Variants in STEAP4 observed in about 807,000 individuals in gnomAD.
STEAP4 encodes the protein metalloreductase STEAP4.
STEAP4 carries 36 observed loss-of-function variants against 43.6 expected under a neutral mutation model. That is an observed-to-expected ratio of 0.83 (90% CI 0.63 to 1.09). STEAP4 has a LOEUF of 1.09. Among genes scored for constraint, STEAP4 ranks in the 50% least tolerant of loss-of-function variants. The pLI is 0.00. For missense variants in STEAP4, 495 were observed against 546.5 expected (o/e 0.91, Z 0.94); for synonymous variants, 191 against 196.7 (o/e 0.97, Z 0.24).
chr7:88,303,473 G>T (rs1437697011), intron 1 of STEAP4, among the ~76,000 whole-genome samples: 1 of 148,500 alleles, frequency 6.7e-6, no homozygotes, highest in South Asian at 2.2e-4. Flanking sequence ...TCCAGCCTGG[G>T]TGACAGAGCG....
Position 88,289,061 on chromosome 7 carries a change from C to CGCGT in STEAP4, c.-2-4791_-2-4790insACGC, listed in dbSNP as rs1554542586. On this transcript the variant is annotated intron_variant, in intron 1 of 4. Transcript: ENST00000380079. Reference sequence around the variant, plus strand: ...TTATTTTTTTTGGTGCATGCATGCGCGTGTGTGTGTGTGTGTGTGTATGTG... The same window carrying CGCGT: ...TTATTTTTTTTGGTGCATGCATGCGCGCGTGTGTGTGTGTGTGTGTGTGTATGTG... 7.5e-4 allele frequency among the ~76,000 whole-genome samples: 111 copies of CGCGT among 148,410 alleles called. 1 individual carries two copies. The highest frequency in any genetic ancestry group is 3.5e-3 in the Middle Eastern group (1 of 282).
At chr7:88,304,796 T>C (rs1275583681) in intron 1 of STEAP4, among the ~76,000 whole-genome samples, 1 of 152,160 alleles carries the variant, frequency 6.6e-6, no homozygotes, top group African/African-American at 2.4e-5. Context: ...CAGTGGAATG[T>C]GTTCCTGAGA....
rs1166718107 is a variant in STEAP4, at chr7:88,278,476, T to C, written c.*922A>G. ...AATTAATTTAATAGATGAAAAATAT[T>C]GAGCAATATTTGGAATATAAAATTT... On this transcript the variant is annotated 3_prime_UTR_variant, in exon 5 of 5. Transcript: ENST00000380079. 1.3e-5 allele frequency: 2 copies of C among 152,242 alleles called. No homozygotes were observed. Among genetic ancestry groups the C allele is most frequent in the Non-Finnish European group, 2.9e-5 (2 of 68,032 alleles). The allele number at this position is 152,242 out of a possible 1,614,324, so 9.4% of individuals were successfully genotyped here.
At position 88,283,936 on chromosome 7, in the gene STEAP4, G is replaced by T. The variant is rs1208326307; in HGVS notation, c.334C>A (p.Gln112Lys). 6.2e-7 allele frequency: 1 copy of T among 1,614,114 alleles called. No homozygotes were observed. The highest frequency in any genetic ancestry group is 1.1e-5 in the South Asian group (1 of 91,066). The change falls in exon 2 of 5, where the codon CAA becomes AAA. Residue 112 changes from glutamine (Q) to lysine (K), a missense_variant. Gln to Lys is a moderately conservative substitution (Grantham distance 53). Transcript: ENST00000380079. ...TACTCTGCATTAGATTCTGGATATT[G>T]ATTGATTTTGAGGTTGTTGCTGATG... ...VDISNNLKINQYPESNAEYLA... is the reference protein window; with the variant it reads ...VDISNNLKINKYPESNAEYLA...
In STEAP4 at chr7:88,278,808, T is replaced by C. The variant is rs1041202575; in HGVS notation, c.*590A>G. The C allele has an allele frequency of 4.6e-5, 7 of 153,636 alleles. No individual in the cohort carries two copies. The highest frequency in any genetic ancestry group is 1.7e-4 in the African/African-American group (7 of 41,476). 9.5% of individuals were successfully genotyped at this position (153,636 alleles called of 1,614,324 possible). A position where few individuals can be genotyped will look rare whatever the true frequency, so the allele number is the denominator to read the frequency against. On this transcript the variant is annotated 3_prime_UTR_variant, in exon 5 of 5. Coordinates refer to ENST00000380079, the MANE Select transcript of STEAP4 (RefSeq NM_024636.4). Reference sequence around the variant, plus strand: ...AATTTTTCTTGTGTTATAAAAATAGTTCCTCTCAGTAAATATCTGTATTAA... The same window carrying C: ...AATTTTTCTTGTGTTATAAAAATAGCTCCTCTCAGTAAATATCTGTATTAA...
chr7:88,306,613 G>A (rs1224382998), intron 1 of STEAP4, among the ~76,000 whole-genome samples, 179 bp downstream of exon 1: 1 of 152,260 alleles, frequency 6.6e-6, no homozygotes, highest in African/African-American at 2.4e-5. Flanking sequence ...TTAGAAGCTT[G>A]CTGAATCGCG....
At chr7:88,282,136 T>A (rs1362435039) in intron 3 of STEAP4, 2 of 153,312 alleles carry the variant, frequency 1.3e-5, no homozygotes, top group Non-Finnish European at 2.9e-5. Flanking sequence ...AAAGTATCAT[T>A]TTTTTTCTTT....
At chr7:88,304,251 G>A (rs1853090573) in intron 1 of STEAP4, 1 of 151,964 alleles carries the variant, frequency 6.6e-6, no homozygotes, top group Non-Finnish European at 1.5e-5. Context: ...CGAGTTAGTG[G>A]GTGCAGCGCA....
intron 1 of STEAP4, among the ~76,000 whole-genome samples, chr7:88,302,951 C>CAAAAAAAAAA (rs35493493): frequency 3.9e-5 from 2 of 51,458 alleles, no homozygotes; most frequent in African/African-American, 1.6e-4. Context: ...GAGACTGTCT[C>CAAAAAAAAAA]AAAAAAAAAA....
rs750639809 is a variant in STEAP4, at chr7:88,284,018, C to G, written c.252G>C (p.Glu84Asp). 3.7e-6 allele frequency: 6 copies of G among 1,613,996 alleles called. No homozygotes were observed. Among genetic ancestry groups the G allele is most frequent in the Non-Finnish European group, 4.2e-6 (5 of 1,180,034 alleles). The change falls in exon 2 of 5, where the codon GAG becomes GAC. Residue 84 changes from glutamate to aspartate, a missense_variant. Physicochemically the swap from Glu to Asp is conservative, Grantham distance 45. Coordinates refer to ENST00000380079, the MANE Select transcript of STEAP4 (RefSeq NM_024636.4). ...SGIIIIAIHR[E>D]HYDFLTELTE... ...TTAATTCTGTGAGAAAATCATAATGCTCTCTGTGGATTGCTATGATTATGA... is the reference window on the plus strand; with the variant it reads ...TTAATTCTGTGAGAAAATCATAATGGTCTCTGTGGATTGCTATGATTATGA...
In STEAP4 at chr7:88,272,434, G is replaced by A. The variant is rs1314599330; in HGVS notation, c.*6964C>T. The A allele has an allele frequency of 2.0e-5, 3 of 152,060 alleles. No homozygotes were observed. Among genetic ancestry groups the A allele is most frequent in the African/African-American group, 4.8e-5 (2 of 41,380 alleles). The allele number at this position is 152,060 out of a possible 1,614,324, so 9.4% of individuals were successfully genotyped here. A position where few individuals can be genotyped will look rare whatever the true frequency, so the allele number is the denominator to read the frequency against. On this transcript the variant is annotated 3_prime_UTR_variant, in exon 5 of 5. Coordinates refer to ENST00000380079, the MANE Select transcript of STEAP4 (RefSeq NM_024636.4). ...ATAATTTGATGATTTTTAACTTCCAGTATAAACTCTTTTACAAGAAGCCTT... is the reference window on the plus strand; with the variant it reads ...ATAATTTGATGATTTTTAACTTCCAATATAAACTCTTTTACAAGAAGCCTT...
chr7:88,282,874 C>T lies in STEAP4; in HGVS notation c.751G>A (p.Ala251Thr), dbSNP rs1229627136. ...TAAACCAAAGCAAGCAGTGTAAGTG[C>T]TGTTATTGGAAAGATACGATTTGGA... is the stretch of plus-strand genomic sequence containing the variant. ...SIPNRIFPIT[A>T]LTLLALVYLP... The change falls in exon 3 of 5, where the codon GCA becomes ACA. Residue 251 changes from alanine to threonine, a missense_variant. Transcript: ENST00000380079. The T allele has an allele frequency of 5.0e-6, 8 of 1,614,004 alleles. No homozygotes were observed. The South Asian group carries it at 8.8e-5, about 18-fold the overall frequency.
intron 1 of STEAP4, among the ~76,000 whole-genome samples, 172 bp downstream of exon 1, chr7:88,306,620 C>A (rs1233583920): frequency 6.6e-6 from 1 of 152,268 alleles, no homozygotes; most frequent in African/African-American, 2.4e-5. Flanking sequence ...CTTGCTGAAT[C>A]GCGGAGCAGC....
At chr7:88,300,761 G>A (rs1853018904) in intron 1 of STEAP4, among the ~76,000 whole-genome samples, 1 of 152,024 alleles carries the variant, frequency 6.6e-6, no homozygotes, top group Non-Finnish European at 1.5e-5. Flanking sequence ...TCTGGAATGT[G>A]ACCACAAAAA....
At position 88,282,891 on chromosome 7, in the gene STEAP4, C is replaced by T. The variant is rs758443467; in HGVS notation, c.734G>A (p.Arg245His). 17 of 1,614,090 alleles carry T rather than the reference C, an allele frequency of 1.1e-5. 1 individual carries two copies. The highest frequency in any genetic ancestry group is 6.7e-5 in the East Asian group (3 of 44,878). Residue 245 changes from arginine to histidine, a missense_variant, in exon 3 of 5, where the codon CGT becomes CAT. Coordinates refer to ENST00000380079, the MANE Select transcript of STEAP4 (RefSeq NM_024636.4). ...TGTAAGTGCTGTTATTGGAAAGATA[C>T]GATTTGGAATGGAAATAGCCATACG... Reference protein sequence around the residue: ...TFRMAISIPNRIFPITALTLL... With the variant: ...TFRMAISIPNHIFPITALTLL...
intron 1 of STEAP4, among the ~76,000 whole-genome samples, chr7:88,289,676 G>C (rs1469685316): frequency 1.3e-5 from 2 of 152,194 alleles, no homozygotes; most frequent in African/African-American, 4.8e-5. Context: ...CAGAAACTCT[G>C]AATAATCTAA....
Position 88,272,296 on chromosome 7 carries a change from A to G in STEAP4, c.*7102T>C, listed in dbSNP as rs374981082. On this transcript the variant is annotated 3_prime_UTR_variant, in exon 5 of 5. Transcript: ENST00000380079. Reference sequence around the variant, plus strand: ...TTAGTTATATCTGACACTGTCTTCCAGACTTTCCCAGCAAAACTGAGCTCC... The same window carrying G: ...TTAGTTATATCTGACACTGTCTTCCGGACTTTCCCAGCAAAACTGAGCTCC... 25 of 152,356 alleles carry G rather than the reference A, an allele frequency of 1.6e-4. No homozygotes were observed. The South Asian group carries it at 2.3e-3, about 14-fold the overall frequency. The allele number at this position is 152,356 out of a possible 1,614,324, so 9.4% of individuals were successfully genotyped here. A position where few individuals can be genotyped will look rare whatever the true frequency, so the allele number is the denominator to read the frequency against.
intron 1 of STEAP4, among the ~76,000 whole-genome samples, chr7:88,299,186 T>C (rs1852985302): frequency 6.6e-6 from 1 of 152,252 alleles, no homozygotes; most frequent in Admixed American, 6.5e-5. Flanking sequence ...TTAGGTTCTT[T>C]GTCGAAATTC....
At position 88,283,794 on chromosome 7, in the gene STEAP4, G is replaced by A. The variant is rs568192080; in HGVS notation, c.456+20C>T. ...ATGATTCATGTTTTAAAGATTGAGT[G>A]TAAATTTGTTTATTCTTACCTGCCG... On this transcript the variant is annotated intron_variant, in intron 2 of 4. Coordinates refer to ENST00000380079, the MANE Select transcript of STEAP4 (RefSeq NM_024636.4). 1.3e-5 allele frequency: 20 copies of A among 1,593,906 alleles called. No homozygotes were observed. The African/African-American group carries it at 2.0e-4, about 16-fold the overall frequency.
Sources: gnomAD v4.1 joint callset for allele counts (sites outside exome capture counted in the v4.1 genomes callset) on GRCh38, gnomAD v4.1.1 for gene constraint, MANE v1.5 for transcripts, NCBI Gene and HGNC (gene_info 2026-07-23, HGNC 2026-07-21) for gene names.